TRIM37: variants seen among roughly 807,000 people sequenced by gnomAD.
TRIM37 encodes tripartite motif containing 37.
In TRIM37, 80 loss-of-function variants were observed where a neutral mutation model predicts 129.8. The ratio of observed to expected loss-of-function variants is 0.62; its 90% CI spans 0.51 to 0.74. The LOEUF is 0.74. Ranked by LOEUF, TRIM37 falls within the 30% of genes least tolerant of loss-of-function variation. TRIM37 has a pLI of 0.00. For synonymous variants in TRIM37, 389 were observed against 387.1 expected (o/e 1.00, Z -0.06); for missense variants, 1,054 against 1,176.5 (o/e 0.90, Z 1.52).
At chr17:59,000,514 T>A (rs558398086) in intron 23 of TRIM37, among the ~76,000 whole-genome samples, 21 of 152,142 alleles carry the variant, frequency 1.4e-4, no homozygotes, top group African/African-American at 4.1e-4. Context: ...GGTGGGAGAA[T>A]TGCTTGAACC....
At chr17:59,092,790 C>T (rs1295805025) in intron 2 of TRIM37, among the ~76,000 whole-genome samples, 1 of 152,054 alleles carries the variant, frequency 6.6e-6, no homozygotes, top group Non-Finnish European at 1.5e-5. Context: ...AAATAAAATT[C>T]CCAAGGAAAC....
chr17:59,054,897 C>A (rs1394554553), intron 13 of TRIM37, among the ~76,000 whole-genome samples: 1 of 151,410 alleles, frequency 6.6e-6, no homozygotes, highest in Non-Finnish European at 1.5e-5. Flanking sequence ...AACTCCTGAG[C>A]CCAAGTGATC....
chr17:59,032,133 T>C (rs1487001328), intron 17 of TRIM37, 43 bp from the exon 18 acceptor site: 2 of 1,580,826 alleles, frequency 1.3e-6, no homozygotes, highest in Non-Finnish European at 8.7e-7. Context: ...TGCACAAACT[T>C]AGCTATACTT....
At chr17:58,987,883 T>C (rs549855949) in intron 24 of TRIM37, among the ~76,000 whole-genome samples, 3 of 152,346 alleles carry the variant, frequency 2.0e-5, no homozygotes, top group African/African-American at 7.2e-5. Context: ...GTTTTACATA[T>C]ATACATTTTT....
chr17:59,007,395 G>A (rs1025067165), intron 22 of TRIM37, among the ~76,000 whole-genome samples: 1 of 151,972 alleles, frequency 6.6e-6, no homozygotes, highest in Non-Finnish European at 1.5e-5. Context: ...TTTTGTTAAA[G>A]GCATCTTAAT....
chr17:59,102,563 T>A (rs963532124), intron 2 of TRIM37, among the ~76,000 whole-genome samples: 2 of 152,224 alleles, frequency 1.3e-5, no homozygotes, highest in African/African-American at 4.8e-5. Flanking sequence ...AATTACTCCT[T>A]AGGTTATCTC....
At chr17:59,038,720 AGG>A (rs1423239588) in intron 17 of TRIM37, among the ~76,000 whole-genome samples, 1 of 152,218 alleles carries the variant, frequency 6.6e-6, no homozygotes, top group Non-Finnish European at 1.5e-5. Context: ...AAAACACACA[AGG>A]CTGAAAAGTT....
chr17:59,004,193 G>A (rs1406681224), intron 22 of TRIM37, among the ~76,000 whole-genome samples: 1 of 151,926 alleles, frequency 6.6e-6, no homozygotes, highest in Admixed American at 6.6e-5. Context: ...CATAGAGATA[G>A]CAAAAATAAC....
chr17:59,064,407 TA>T lies in TRIM37; in HGVS notation c.810-3del, dbSNP rs367700401. 83,556 of 986,206 alleles carry T rather than the reference TA, an allele frequency of 0.085. No individual in the cohort carries two copies. The highest frequency in any genetic ancestry group is 0.12 in the South Asian group (6,008 of 52,202). 61.1% of individuals were successfully genotyped at this position (986,206 alleles called of 1,614,324 possible). A position where few individuals can be genotyped will look rare whatever the true frequency, so the allele number is the denominator to read the frequency against. ...GAATCGTAAGATGGCACTAATTCACTAAAAAAAAAAAGGCAAAAAAAATTAT... is the reference window on the plus strand; with the variant it reads ...GAATCGTAAGATGGCACTAATTCACTAAAAAAAAAAGGCAAAAAAAATTAT... On this transcript the variant is annotated splice_polypyrimidine_tract_variant and splice_region_variant and intron_variant, in intron 9 of 23. Coordinates refer to ENST00000262294, the MANE Select transcript of TRIM37 (RefSeq NM_015294.6).
At chr17:59,051,887 C>G (rs983517809) in intron 13 of TRIM37, among the ~76,000 whole-genome samples, 3 of 152,108 alleles carry the variant, frequency 2.0e-5, no homozygotes, top group Non-Finnish European at 4.4e-5. Flanking sequence ...CCCGCCACTA[C>G]GCCCGGCTAA....
intron 4 of TRIM37, chr17:59,088,017 C>T (rs986743000): frequency 7.6e-5 from 44 of 579,016 alleles, no homozygotes; most frequent in Non-Finnish European, 1.1e-4. Flanking sequence ...TCTCATTTAC[C>T]TTTGTATGCC....
chr17:59,018,374 T>C (rs1383013658), intron 19 of TRIM37, among the ~76,000 whole-genome samples: 1 of 152,030 alleles, frequency 6.6e-6, no homozygotes, highest in Non-Finnish European at 1.5e-5. Context: ...ACAATAAAAA[T>C]AAAAAATTCA....
intron 19 of TRIM37, among the ~76,000 whole-genome samples, chr17:59,025,447 A>T (rs779859306): frequency 5.9e-5 from 9 of 151,376 alleles, no homozygotes; most frequent in Non-Finnish European, 1.3e-4. Flanking sequence ...ATATTCATGG[A>T]TGAATATTAT....
At chr17:59,087,888 C>A (rs1447675940) in intron 4 of TRIM37, 1 of 261,406 alleles carries the variant, frequency 3.8e-6, no homozygotes, top group East Asian at 8.9e-5. Context: ...AACAACTCTC[C>A]AGATATGTTC....
intron 22 of TRIM37, among the ~76,000 whole-genome samples, chr17:59,007,029 C>T (rs1022793733): frequency 6.6e-6 from 1 of 151,992 alleles, no homozygotes; most frequent in Non-Finnish European, 1.5e-5. Context: ...CAATCCTCTT[C>T]CACTCCCAGA....
chr17:59,057,796 T>C (rs1568123775), intron 12 of TRIM37, among the ~76,000 whole-genome samples: 2 of 152,306 alleles, frequency 1.3e-5, no homozygotes, highest in East Asian at 3.9e-4. Context: ...AGGGCTGGGA[T>C]TACGGGTGTG....
the TRIM37 span, chr17:58,972,418 TTGG>T: frequency 2.2e-6 from 2 of 892,254 alleles, no homozygotes; most frequent in Non-Finnish European, 3.3e-6. Flanking sequence ...TGGTGTGATC[TTGG>T]CTCACTGCAA....
chr17:59,035,705 C>A (rs764484096), intron 17 of TRIM37, among the ~76,000 whole-genome samples: 7 of 151,804 alleles, frequency 4.6e-5, no homozygotes, highest in Non-Finnish European at 8.8e-5. Flanking sequence ...TGAGATCGTG[C>A]CACTGCATTC....
chr17:59,023,178 C>A (rs930854170), intron 19 of TRIM37, among the ~76,000 whole-genome samples: 5 of 152,086 alleles, frequency 3.3e-5, no homozygotes, highest in African/African-American at 1.2e-4. Flanking sequence ...TGGGTTCAAG[C>A]GATTCTAGTG....
Sources: gnomAD v4.1 joint callset for allele counts (sites outside exome capture counted in the v4.1 genomes callset) on GRCh38, gnomAD v4.1.1 for gene constraint, MANE v1.5 for transcripts, NCBI Gene and HGNC (gene_info 2026-07-23, HGNC 2026-07-21) for gene names.